AREL1: variants seen among roughly 807,000 people sequenced by gnomAD.
The protein encoded by AREL1 is apoptosis resistant E3 ubiquitin protein ligase 1, also known as apoptosis-resistant E3 ubiquitin protein ligase 1.
A neutral mutation model predicts 99.0 loss-of-function variants in AREL1; 62 were observed. That is an observed-to-expected ratio of 0.63 (90% CI 0.51 to 0.77). The LOEUF (loss-of-function observed/expected upper bound fraction) is 0.77. Ranked by LOEUF, AREL1 falls within the 30% of genes least tolerant of loss-of-function variation. The pLI is 0.00. For synonymous variants in AREL1, 380 were observed against 376.5 expected, an observed-to-expected ratio of 1.01 and a Z score of -0.11; for missense variants, 879 against 1,027.6, an observed-to-expected ratio of 0.86 and a Z score of 1.98.
At chr14:74,665,854 C>T (rs1053191998) in intron 17 of AREL1, among the ~76,000 whole-genome samples, 3 of 152,174 alleles carry the variant, frequency 2.0e-5, no homozygotes, top group Non-Finnish European at 4.4e-5. Context: ...GAAGCCTTGG[C>T]TCCTTCAAAA....
chr14:74,694,273 G>C (rs2089937931), intron 1 of AREL1, among the ~76,000 whole-genome samples: 1 of 152,148 alleles, frequency 6.6e-6, no homozygotes, highest in African/African-American at 2.4e-5. Flanking sequence ...CAGCTTAAAG[G>C]ATCCACAAAC....
chr14:74,712,357 T>C (rs927438170), intron 1 of AREL1, among the ~76,000 whole-genome samples: 9 of 152,106 alleles, frequency 5.9e-5, no homozygotes, highest in Admixed American at 2.0e-4. Flanking sequence ...AAACTGTATG[T>C]GTGCCCATTT....
At chr14:74,689,587 C>CTTTTTTTTTTTTTT (rs1185444870) in intron 2 of AREL1, among the ~76,000 whole-genome samples, 1 of 113,714 alleles carries the variant, frequency 8.8e-6, no homozygotes, top group Non-Finnish European at 2.0e-5. Flanking sequence ...TCTTATAGCA[C>CTTTTTTTTTTTTTT]TTTTCTTTTT....
chr14:74,687,941 T>A (rs371479808), intron 2 of AREL1, among the ~76,000 whole-genome samples: 31 of 152,190 alleles, frequency 2.0e-4, no homozygotes, highest in African/African-American at 7.5e-4. Context: ...CTATTCTAAT[T>A]TTATGCCTAA....
chr14:74,682,344 C>T (rs2089649264), intron 5 of AREL1, among the ~76,000 whole-genome samples: 1 of 152,140 alleles, frequency 6.6e-6, no homozygotes, highest in Admixed American at 6.5e-5. Flanking sequence ...AGCCCTTAGC[C>T]CTTAAGAACT....
intron 6 of AREL1, 50 bp from the exon 7 acceptor site, chr14:74,676,371 A>G (rs374037786): frequency 1.9e-6 from 3 of 1,585,460 alleles, no homozygotes; most frequent in African/African-American, 2.7e-5. Context: ...TTTCCCATTT[A>G]CAAGCCACTT....
At chr14:74,699,403 AAG>A (rs137991501) in intron 1 of AREL1, among the ~76,000 whole-genome samples, 35 of 145,568 alleles carry the variant, frequency 2.4e-4, no homozygotes, top group Admixed American at 3.4e-4. Context: ...GAGCAAGAGC[AAG>A]AGAGAGAGAG....
intron 1 of AREL1, among the ~76,000 whole-genome samples, chr14:74,709,373 C>T (rs1220051467): frequency 6.6e-6 from 1 of 152,212 alleles, no homozygotes; most frequent in East Asian, 1.9e-4. Context: ...AAATATTACA[C>T]AACAGTACTC....
chr14:74,710,383 T>C (rs2090257741), intron 1 of AREL1, among the ~76,000 whole-genome samples: 1 of 152,234 alleles, frequency 6.6e-6, no homozygotes, highest in African/African-American at 2.4e-5. Context: ...TTGTTGTTCA[T>C]GGATTCCAAA....
chr14:74,701,483 T>A (rs927812902), intron 1 of AREL1, among the ~76,000 whole-genome samples: 4 of 152,160 alleles, frequency 2.6e-5, no homozygotes, highest in African/African-American at 9.7e-5. Context: ...TCAGATCTTG[T>A]GAGACTTATT....
chr14:74,689,317 T>C (rs933435357), intron 2 of AREL1, among the ~76,000 whole-genome samples: 11 of 152,164 alleles, frequency 7.2e-5, no homozygotes, highest in Admixed American at 4.6e-4. Context: ...TATAATACCT[T>C]GTTATTCATC....
At chr14:74,694,549 A>C (rs1011763411) in intron 1 of AREL1, among the ~76,000 whole-genome samples, 1 of 152,198 alleles carries the variant, frequency 6.6e-6, no homozygotes, top group Admixed American at 6.5e-5. Context: ...TTTATTTTCT[A>C]CCTGTACCTT....
intron 1 of AREL1, among the ~76,000 whole-genome samples, chr14:74,705,608 C>T (rs1474641345): frequency 1.3e-5 from 2 of 152,146 alleles, no homozygotes; most frequent in African/African-American, 4.8e-5. Context: ...TAAGATCATG[C>T]CCACCTTACT....
At chr14:74,667,121 C>T (rs2089226132) in intron 17 of AREL1, among the ~76,000 whole-genome samples, 198 bp downstream of exon 17, 1 of 152,154 alleles carries the variant, frequency 6.6e-6, no homozygotes, top group Admixed American at 6.5e-5. Flanking sequence ...AATATCTCTG[C>T]ACTCTTTGCT....
intron 1 of AREL1, among the ~76,000 whole-genome samples, chr14:74,694,084 G>A (rs1362363636): frequency 6.6e-6 from 1 of 152,044 alleles, no homozygotes. Context: ...GCTGAGGTGG[G>A]GGTTGGCTTG....
At chr14:74,669,324 T>C (rs375607001) in intron 15 of AREL1, among the ~76,000 whole-genome samples, 3 of 152,262 alleles carry the variant, frequency 2.0e-5, no homozygotes, top group South Asian at 4.2e-4. Flanking sequence ...CATCATTCAG[T>C]TATTTTTCAA....
At position 74,663,720 on chromosome 14, in the gene AREL1, T is replaced by C. The variant is rs761933020; in HGVS notation, c.2472A>G (p.Ter824TrpextTer72). Residue 824 changes from the stop codon to tryptophan (W), a stop_lost, in exon 20 of 20, where the codon TGA becomes TGG. Transcript: ENST00000356357. ...AGCCAACTGGATGACAGGAGAGTGG[T>C]CAGAGCATGCCAAAGCCCTCGCAAC... ...SEGCEGFGML[*>W] The C allele has an allele frequency of 1.2e-6, 2 of 1,613,564 alleles. No homozygotes were observed. Among genetic ancestry groups the C allele is most frequent in the Non-Finnish European group, 1.7e-6 (2 of 1,179,942 alleles).
intron 2 of AREL1, among the ~76,000 whole-genome samples, chr14:74,690,832 T>C (rs1022837654): frequency 1.3e-5 from 2 of 152,214 alleles, no homozygotes; most frequent in African/African-American, 2.4e-5. Context: ...TACCCACTTA[T>C]TGAGTCACTT....
chr14:74,695,252 G>T (rs1480747311), intron 1 of AREL1, among the ~76,000 whole-genome samples: 1 of 151,508 alleles, frequency 6.6e-6, no homozygotes, highest in Non-Finnish European at 1.5e-5. Flanking sequence ...GCTAGTTTTT[G>T]TATTTTTGGT....
Sources: gnomAD v4.1 joint callset for allele counts (sites outside exome capture counted in the v4.1 genomes callset) on GRCh38, gnomAD v4.1.1 for gene constraint, MANE v1.5 for transcripts, NCBI Gene and HGNC (gene_info 2026-07-23, HGNC 2026-07-21) for gene names.